CPSF7: variants seen among roughly 807,000 people sequenced by gnomAD.
CPSF7 encodes the protein cleavage and polyadenylation specificity factor subunit 7.
CPSF7 carries 1 observed loss-of-function variant against 44.3 expected under a neutral mutation model. The observed-to-expected ratio is 0.02, with a 90% CI of 0.01 to 0.11. The LOEUF is 0.11. Ranked by LOEUF, CPSF7 falls within the 10% of genes least tolerant of loss-of-function variation. The probability of loss-of-function intolerance (pLI) is 1.00; values close to 1 mark genes in which losing one functional copy is unlikely to be tolerated. For missense variants in CPSF7, 443 were observed against 607.2 expected (o/e 0.73, Z 2.84); for synonymous variants, 202 against 222.0 (o/e 0.91, Z 0.80).
intron 7 of CPSF7, among the ~76,000 whole-genome samples, chr11:61,413,633 C>CAA (rs1192019975): frequency 3.1e-3 from 264 of 85,876 alleles, no homozygotes; most frequent in African/African-American, 9.5e-3. Flanking sequence ...GACTTCGTCT[C>CAA]AAAAAAAAAA....
At chr11:61,422,776 T>C (rs1191103102) in intron 2 of CPSF7, among the ~76,000 whole-genome samples, 3 of 152,220 alleles carry the variant, frequency 2.0e-5, no homozygotes, top group South Asian at 4.1e-4. Context: ...GATATCTTAC[T>C]TACTATATAC....
rs543622037 is a variant in CPSF7, at chr11:61,408,901, C to T, written c.*5+2037G>A. On this transcript the variant is annotated intron_variant, in intron 9 of 9. Coordinates refer to ENST00000439958, the MANE Select transcript of CPSF7 (RefSeq NM_001142565.3). ...GCTTCAAAAGAAAATTACAGCCAGT[C>T]GCAGTGGCTTCATGCCCATAATCCC... Among the ~76,000 whole-genome samples, 90 of 152,328 alleles carry T rather than the reference C, an allele frequency of 5.9e-4. 2 individuals carry two copies. In the South Asian group the frequency reaches 0.017, roughly 29 times the overall value.
In CPSF7 at chr11:61,421,410, A is replaced by T; in HGVS notation, c.253T>A (p.Tyr85Asn). The change falls in exon 3 of 10, where the codon TAT becomes AAT. Residue 85 changes from tyrosine to asparagine, a missense_variant. Tyr to Asn is a moderately radical substitution (Grantham distance 143). Coordinates refer to ENST00000439958, the MANE Select transcript of CPSF7 (RefSeq NM_001142565.3). Reference protein sequence around the residue: ...SGLRNRRAAVYVGSFSWWTTD... With the variant: ...SGLRNRRAAVNVGSFSWWTTD... ...CTCACCCAGGAGAAGCTGCCCACAT[A>T]AACGGCAGCTCGTCTATTACGCAGG... 1 of 1,614,040 alleles carries T rather than the reference A, an allele frequency of 6.2e-7. No homozygotes were observed. Among genetic ancestry groups the T allele is most frequent in the Non-Finnish European group, 8.5e-7 (1 of 1,179,934 alleles).
chr11:61,407,053 G>A (rs962441510), intron 9 of CPSF7, among the ~76,000 whole-genome samples: 3 of 152,204 alleles, frequency 2.0e-5, no homozygotes, highest in African/African-American at 7.2e-5. Context: ...TTACAGGCAT[G>A]AGCCACTGTG....
rs1399705746 is a variant in CPSF7, at chr11:61,429,343, G to A, written c.-55-53C>T. On this transcript the variant is annotated intron_variant, in intron 1 of 9. Coordinates refer to ENST00000439958, the MANE Select transcript of CPSF7 (RefSeq NM_001142565.3). ...TAGAAGGCACGAGGGTCCTGGGCTG[G>A]GAAGAGGGTAATGATTGCTAACCTC... 1.2e-5 allele frequency: 13 copies of A among 1,096,288 alleles called. No individual in the cohort carries two copies. In the East Asian group the frequency reaches 1.7e-4, roughly 14 times the overall value. The allele number at this position is 1,096,288 out of a possible 1,614,324, so 67.9% of individuals were successfully genotyped here. A position where few individuals can be genotyped will look rare whatever the true frequency, so the allele number is the denominator to read the frequency against.
At position 61,416,120 on chromosome 11, in the gene CPSF7, T is replaced by G; in HGVS notation, c.923A>C (p.Tyr308Ser). 1 of 1,502,598 alleles carries G rather than the reference T, an allele frequency of 6.7e-7. No individual in the cohort carries two copies. Among genetic ancestry groups the G allele is most frequent in the Non-Finnish European group, 8.9e-7 (1 of 1,127,568 alleles). The allele number at this position is 1,502,598 out of a possible 1,614,324, so 93.1% of individuals were successfully genotyped here. A position where few individuals can be genotyped will look rare whatever the true frequency, so the allele number is the denominator to read the frequency against. Reference sequence around the variant, plus strand: ...TAGTCCTTACCTGCCATGGTGGTTATAGGGGGCAGAGGCCTTCATGTAAGT... The same window carrying G: ...TAGTCCTTACCTGCCATGGTGGTTAGAGGGGGCAGAGGCCTTCATGTAAGT... ...PDTYMKASAP[Y>S]NHHGSRDSGP... Residue 308 changes from tyrosine (Y) to serine (S), a missense_variant, in exon 6 of 10, where the codon TAT becomes TCT. Tyr to Ser is a moderately radical substitution (Grantham distance 144). Transcript: ENST00000439958.
At chr11:61,422,304 T>A (rs777803700) in intron 2 of CPSF7, among the ~76,000 whole-genome samples, 7 of 151,968 alleles carry the variant, frequency 4.6e-5, no homozygotes, top group Non-Finnish European at 7.4e-5. Context: ...TACCATGACA[T>A]GTATCTAGGA....
At chr11:61,411,736 G>C (rs1317783808) in intron 8 of CPSF7, 33 bp downstream of exon 8, 1 of 1,591,380 alleles carries the variant, frequency 6.3e-7, no homozygotes, top group South Asian at 1.1e-5. Context: ...TGCTGCTTGG[G>C]GCTGGTAGGT....
chr11:61,419,411 G>A (rs751219467), intron 5 of CPSF7, among the ~76,000 whole-genome samples: 8 of 152,182 alleles, frequency 5.3e-5, no homozygotes, highest in Non-Finnish European at 1.0e-4. Flanking sequence ...GACAATGCTG[G>A]AGAAATATTG....
intron 1 of CPSF7, 24 bp from the exon 2 acceptor site, chr11:61,429,314 G>A (rs1861706859): frequency 7.2e-7 from 1 of 1,395,850 alleles, no homozygotes; most frequent in Non-Finnish European, 1.0e-6. Flanking sequence ...AAAAATGCAA[G>A]AATTAGAAGG....
At chr11:61,409,744 G>A (rs1859679931) in intron 9 of CPSF7, among the ~76,000 whole-genome samples, 1 of 151,896 alleles carries the variant, frequency 6.6e-6, no homozygotes, top group Non-Finnish European at 1.5e-5. Flanking sequence ...GGGAGGCCAA[G>A]GTGGGCTGAT....
intron 2 of CPSF7, among the ~76,000 whole-genome samples, chr11:61,425,318 G>A (rs950438593): frequency 1.3e-5 from 2 of 152,116 alleles, no homozygotes; most frequent in Non-Finnish European, 2.9e-5. Flanking sequence ...TTTTCTCAGC[G>A]GATTTATGCA....
intron 9 of CPSF7, chr11:61,410,532 C>T (rs1859760737): frequency 6.4e-6 from 1 of 156,820 alleles, no homozygotes; most frequent in African/African-American, 2.4e-5. Context: ...TGACAGGTAC[C>T]ATGAGTGCTA....
chr11:61,420,751 C>A, intron 3 of CPSF7, 178 bp from the exon 4 acceptor site: 1 of 606,318 alleles, frequency 1.6e-6, no homozygotes, highest in Non-Finnish European at 2.9e-6. Flanking sequence ...AATTCCAAAC[C>A]CACTCACCCC....
chr11:61,408,798 GCC>G (rs915684119), intron 9 of CPSF7, among the ~76,000 whole-genome samples: 41 of 152,174 alleles, frequency 2.7e-4, no homozygotes, highest in African/African-American at 9.2e-4. Flanking sequence ...CACAGCCAGA[GCC>G]CCTGGATCCA....
At chr11:61,428,077 A>G (rs1363685090) in intron 2 of CPSF7, among the ~76,000 whole-genome samples, 1 of 152,274 alleles carries the variant, frequency 6.6e-6, no homozygotes, top group African/African-American at 2.4e-5. Context: ...AAAATAACCC[A>G]GGCAAGATAT....
At chr11:61,408,450 G>T (rs979677389) in intron 9 of CPSF7, among the ~76,000 whole-genome samples, 2 of 152,112 alleles carry the variant, frequency 1.3e-5, no homozygotes, top group Admixed American at 6.6e-5. Flanking sequence ...AGAGAAATGG[G>T]AAGTCCTAGA....
chr11:61,428,070 A>G (rs1228688247), intron 2 of CPSF7, among the ~76,000 whole-genome samples: 1 of 152,252 alleles, frequency 6.6e-6, no homozygotes, highest in Non-Finnish European at 1.5e-5. Flanking sequence ...GGTGCTGAAA[A>G]TAACCCAGGC....
chr11:61,420,155 A>C, intron 4 of CPSF7, 61 bp from the exon 5 acceptor site: 1 of 1,369,822 alleles, frequency 7.3e-7, no homozygotes, highest in Middle Eastern at 1.9e-4. Context: ...AGAAAAAAGA[A>C]ATTCTCTTCC....
Sources: allele counts gnomAD v4.1 joint callset (sites outside exome capture counted in the v4.1 genomes callset), GRCh38; gene constraint gnomAD v4.1.1; transcripts MANE v1.5; gene names NCBI Gene and HGNC (gene_info 2026-07-23, HGNC 2026-07-21).